Variants in TNFSF8 observed in about 807,000 individuals in gnomAD.
The protein encoded by TNFSF8 is tumor necrosis factor ligand superfamily member 8.
In TNFSF8, 4 loss-of-function variants were observed where a neutral mutation model predicts 22.0. That is an observed-to-expected ratio of 0.18 (90% CI 0.09 to 0.42). The LOEUF is 0.42. Ranked by LOEUF, TNFSF8 falls within the 10% of genes least tolerant of loss-of-function variation. The pLI, the probability that TNFSF8 is intolerant of heterozygous loss-of-function variation, is 1.00. For missense variants in TNFSF8, 233 were observed against 281.8 expected (o/e 0.83, Z 1.24); for synonymous variants, 106 against 112.5 (o/e 0.94, Z 0.37).
At chr9:114,921,965 C>T (rs1006719260) in intron 1 of TNFSF8, among the ~76,000 whole-genome samples, 1 of 152,166 alleles carries the variant, frequency 6.6e-6, no homozygotes, top group Admixed American at 6.5e-5. Flanking sequence ...CATGTTTAAC[C>T]TGTTTGTCTC....
intron 2 of TNFSF8, among the ~76,000 whole-genome samples, chr9:114,917,503 C>G (rs761262475): frequency 2.3e-4 from 35 of 152,322 alleles, no homozygotes; most frequent in Non-Finnish European, 4.1e-4. Context: ...CATATCATCT[C>G]TCTGAGGCTA....
At chr9:114,928,829 C>G (rs1390551442) in intron 1 of TNFSF8, among the ~76,000 whole-genome samples, 1 of 152,146 alleles carries the variant, frequency 6.6e-6, no homozygotes, top group East Asian at 1.9e-4. Context: ...TCAAAGCTTC[C>G]ATTTAATTTC....
At chr9:114,900,190 A>G (rs1055362228), downstream of TNFSF8, among the ~76,000 whole-genome samples, 1 of 152,212 alleles carries the variant, frequency 6.6e-6, no homozygotes, top group African/African-American at 2.4e-5. Flanking sequence ...GACAAGAACT[A>G]AAAGGAGGAA....
rs1827718050 is a variant in TNFSF8, at chr9:114,901,634, C to T, written c.*2297G>A. On this transcript the variant is annotated 3_prime_UTR_variant, in exon 4 of 4. Coordinates refer to ENST00000223795, the MANE Select transcript of TNFSF8 (RefSeq NM_001244.4). ...ATGCAGTTAGTGTGTGACTCAAATG[C>T]CAGCCATTTCCCTGTTTTTTTAGCC... 1.0e-6 allele frequency: 1 copy of T among 985,310 alleles called. No homozygotes were observed. The highest frequency in any genetic ancestry group is 1.2e-6 in the Non-Finnish European group (1 of 829,940). 61.0% of individuals were successfully genotyped at this position (985,310 alleles called of 1,614,324 possible).
At chr9:114,923,522 C>CTTTCTTTCTTTTT (rs758823996) in intron 1 of TNFSF8, among the ~76,000 whole-genome samples, 1 of 89,770 alleles carries the variant, frequency 1.1e-5, no homozygotes, top group African/African-American at 4.7e-5. Flanking sequence ...TTCTTTCTTT[C>CTTTCTTTCTTTTT]TTTTTTTTTT....
chr9:114,902,111 G>A lies in TNFSF8; in HGVS notation c.*1820C>T. 1 of 985,302 alleles carries A rather than the reference G, an allele frequency of 1.0e-6. No individual in the cohort carries two copies. The allele number at this position is 985,302 out of a possible 1,614,324, so 61.0% of individuals were successfully genotyped here. A position where few individuals can be genotyped will look rare whatever the true frequency, so the allele number is the denominator to read the frequency against. On this transcript the variant is annotated 3_prime_UTR_variant, in exon 4 of 4. Transcript: ENST00000223795. Reference sequence around the variant, plus strand: ...CATTCCATCTCAAACGGCTTGTCAAGGTCCTTCCACAAATAAGATGTTCCT... The same window carrying A: ...CATTCCATCTCAAACGGCTTGTCAAAGTCCTTCCACAAATAAGATGTTCCT...
At chr9:114,899,345 AT>A (rs917553729), downstream of TNFSF8, among the ~76,000 whole-genome samples, 367 of 143,878 alleles carry the variant, frequency 2.6e-3, 3 homozygotes, top group East Asian at 0.056. Flanking sequence ...GTAAGTTATT[AT>A]TTTTTTTTTT....
intron 2 of TNFSF8, among the ~76,000 whole-genome samples, chr9:114,916,826 G>A (rs182425647): frequency 8.9e-4 from 135 of 152,290 alleles, no homozygotes; most frequent in Non-Finnish European, 1.6e-3. Flanking sequence ...GACCCCCAAA[G>A]CCTAAACGTT....
At chr9:114,905,137 GT>G (rs1827768880) in intron 3 of TNFSF8, among the ~76,000 whole-genome samples, 1 of 152,224 alleles carries the variant, frequency 6.6e-6, no homozygotes. Flanking sequence ...TGGCATGCTA[GT>G]TTTAATTGCT....
At chr9:114,907,306 C>T (rs1272609141) in intron 2 of TNFSF8, among the ~76,000 whole-genome samples, 1 of 152,132 alleles carries the variant, frequency 6.6e-6, no homozygotes, top group Non-Finnish European at 1.5e-5. Flanking sequence ...AGCTGTCATC[C>T]CCTTGGTTTC....
chr9:114,928,029 A>G (rs1044909752), intron 1 of TNFSF8, among the ~76,000 whole-genome samples: 1 of 152,098 alleles, frequency 6.6e-6, no homozygotes, highest in African/African-American at 2.4e-5. Context: ...TGAAAATGAT[A>G]TGTGCAATGC....
At chr9:114,927,034 T>C (rs1828071539) in intron 1 of TNFSF8, among the ~76,000 whole-genome samples, 1 of 138,676 alleles carries the variant, frequency 7.2e-6, no homozygotes. Context: ...ACATAAAATG[T>C]TTATTTTATA....
chr9:114,919,667 G>A (rs977470337), intron 1 of TNFSF8, among the ~76,000 whole-genome samples: 5 of 152,122 alleles, frequency 3.3e-5, no homozygotes, highest in African/African-American at 7.2e-5. Context: ...GTGTGTATGC[G>A]AAAAAACCAA....
At chr9:114,919,657 G>C (rs985453548) in intron 1 of TNFSF8, among the ~76,000 whole-genome samples, 4 of 152,176 alleles carry the variant, frequency 2.6e-5, no homozygotes, top group African/African-American at 9.7e-5. Flanking sequence ...AGGTGTGAGC[G>C]TGTGTATGCG....
At chr9:114,918,031 T>C in intron 2 of TNFSF8, 65 bp downstream of exon 2, 1 of 1,504,464 alleles carries the variant, frequency 6.6e-7, no homozygotes, top group South Asian at 1.2e-5. Flanking sequence ...ATAATCAGGT[T>C]TCACACTTTA....
chr9:114,905,806 T>G, intron 3 of TNFSF8, 22 bp downstream of exon 3: 1 of 1,594,198 alleles, frequency 6.3e-7, no homozygotes, highest in Non-Finnish European at 8.6e-7. Context: ...TATGTTTAGG[T>G]TTCCTGGGCT....
chr9:114,905,738 G>A (rs978363543), intron 3 of TNFSF8, 90 bp downstream of exon 3: 3 of 1,000,204 alleles, frequency 3.0e-6, no homozygotes, highest in Non-Finnish European at 4.8e-6. Context: ...TTGGCCATGG[G>A]ACTCTAATTA....
chr9:114,915,106 C>T (rs907370183), intron 2 of TNFSF8, among the ~76,000 whole-genome samples: 2 of 152,118 alleles, frequency 1.3e-5, no homozygotes, highest in Non-Finnish European at 2.9e-5. Context: ...AAGCTTCCTC[C>T]CAAGAGTACC....
In TNFSF8 at chr9:114,901,419, A is replaced by G; in HGVS notation, c.*2512T>C. The G allele has an allele frequency of 1.0e-6, 1 of 985,384 alleles. No individual in the cohort carries two copies. Among genetic ancestry groups the G allele is most frequent in the Non-Finnish European group, 1.2e-6 (1 of 829,926 alleles). 61.0% of individuals were successfully genotyped at this position (985,384 alleles called of 1,614,324 possible). A position where few individuals can be genotyped will look rare whatever the true frequency, so the allele number is the denominator to read the frequency against. On this transcript the variant is annotated 3_prime_UTR_variant, in exon 4 of 4. Transcript: ENST00000223795. The stretch of plus-strand genomic sequence containing the variant: ...TCTTAGCATTGCTTGACAGAGACTG[A>G]GATTAGAAACCACTCACAGTGCAAA...
Sources: gnomAD v4.1 joint callset for allele counts (sites outside exome capture counted in the v4.1 genomes callset) on GRCh38, gnomAD v4.1.1 for gene constraint, MANE v1.5 for transcripts, NCBI Gene and HGNC (gene_info 2026-07-23, HGNC 2026-07-21) for gene names.